DNAAF9: variants seen among roughly 807,000 people sequenced by gnomAD.
DNAAF9 encodes the protein dynein axonemal assembly factor 9.
Under a neutral mutation model 167.0 loss-of-function variants are expected in DNAAF9, and 90 were observed. That is an observed-to-expected ratio of 0.54 (90% CI 0.45 to 0.64). The LOEUF (loss-of-function observed/expected upper bound fraction) is 0.64. DNAAF9 is among the 30% of genes least tolerant of loss of function. DNAAF9 has a pLI of 0.00. For synonymous variants in DNAAF9, 491 were observed against 508.8 expected (o/e 0.96, Z 0.47); for missense variants, 1,315 against 1,442.2 (o/e 0.91, Z 1.43).
chr20:3,399,357 CTGCCACCA>C (rs1175559351), intron 1 of DNAAF9, among the ~76,000 whole-genome samples: 84 of 152,152 alleles, frequency 5.5e-4, no homozygotes, highest in East Asian at 2.1e-3. Context: ...TTACAGGCAC[CTGCCACCA>C]TGCCTGGCTA....
intron 24 of DNAAF9, 44 bp from the exon 25 acceptor site, chr20:3,294,300 G>T: frequency 1.6e-6 from 2 of 1,265,436 alleles, no homozygotes; most frequent in Non-Finnish European, 2.3e-6. Flanking sequence ...ATCCTAGCCT[G>T]TCCTGAAGGT....
chr20:3,340,451 C>CCCCCCCAA lies in DNAAF9; in HGVS notation c.981+52_981+53insTTGGGGGG. The CCCCCCCAA allele has an allele frequency of 2.7e-6, 2 of 743,596 alleles. 1 individual carries two copies. The highest frequency in any genetic ancestry group is 3.8e-6 in the Non-Finnish European group (2 of 525,226). The allele number at this position is 743,596 out of a possible 1,614,324, so 46.1% of individuals were successfully genotyped here. ...GTCTAGCTCCCCCCACCCACCCCAC[C>CCCCCCCAA]CCCACAACTTGATAATAAAACTAAT... is the stretch of plus-strand genomic sequence containing the variant. On this transcript the variant is annotated intron_variant, in intron 10 of 36. Coordinates refer to ENST00000252032, the MANE Select transcript of DNAAF9 (RefSeq NM_001009984.3).
chr20:3,273,893 T>C (rs2068634538), intron 29 of DNAAF9, among the ~76,000 whole-genome samples: 2 of 152,220 alleles, frequency 1.3e-5, no homozygotes, highest in Non-Finnish European at 2.9e-5. Context: ...TACAAAAGTG[T>C]TGAGTATAAT....
At chr20:3,367,655 A>T (rs1193959240) in intron 6 of DNAAF9, among the ~76,000 whole-genome samples, 2 of 152,234 alleles carry the variant, frequency 1.3e-5, no homozygotes, top group African/African-American at 4.8e-5. Flanking sequence ...CAGTCAGTGA[A>T]GCAGTCAGAA....
intron 1 of DNAAF9, among the ~76,000 whole-genome samples, chr20:3,399,287 C>T (rs910825462): frequency 3.9e-5 from 6 of 151,954 alleles, no homozygotes; most frequent in African/African-American, 7.3e-5. Context: ...GGTGCGATCT[C>T]GGCTCACTGC....
At chr20:3,358,836 T>C (rs780292504) in intron 7 of DNAAF9, among the ~76,000 whole-genome samples, 1 of 152,200 alleles carries the variant, frequency 6.6e-6, no homozygotes, top group Non-Finnish European at 1.5e-5. Flanking sequence ...TGACCATGCA[T>C]ATCTATCTAT....
chr20:3,398,935 T>C (rs2083946639), intron 1 of DNAAF9, among the ~76,000 whole-genome samples: 1 of 152,198 alleles, frequency 6.6e-6, no homozygotes, highest in Admixed American at 6.5e-5. Flanking sequence ...GGAAAAAAGC[T>C]AGCCAATGTT....
chr20:3,304,508 A>G lies in DNAAF9; in HGVS notation c.1714T>C (p.Ser572Pro). Residue 572 changes from serine to proline, a missense_variant, in exon 21 of 37, where the codon TCT becomes CCT. Physicochemically the swap from Ser to Pro is moderately conservative, Grantham distance 74. Around this residue, in one of 2 missense-constraint regions of DNAAF9, gnomAD observed 981 missense variants for 1,012.5 expected, o/e 0.97. Coordinates refer to ENST00000252032, the MANE Select transcript of DNAAF9 (RefSeq NM_001009984.3). ...VHFFSSGLLFSHCRHRSIIIS... is the reference protein window; with the variant it reads ...VHFFSSGLLFPHCRHRSIIIS... ...ATGATACTTCTATGACGACAGTGAG[A>G]AAACAGAAGGCCACTAGAGAAGAAA... is the stretch of plus-strand genomic sequence containing the variant. 3.3e-6 allele frequency: 5 copies of G among 1,519,874 alleles called. No individual in the cohort carries two copies. Among genetic ancestry groups the G allele is most frequent in the Non-Finnish European group, 4.6e-6 (5 of 1,094,322 alleles). The allele number at this position is 1,519,874 out of a possible 1,614,324, so 94.1% of individuals were successfully genotyped here.
At chr20:3,370,360 G>A (rs946931170) in intron 6 of DNAAF9, among the ~76,000 whole-genome samples, 3 of 151,698 alleles carry the variant, frequency 2.0e-5, no homozygotes, top group African/African-American at 4.8e-5. Flanking sequence ...GCTATCCTCC[G>A]GCCTCAGCCT....
At chr20:3,299,849 A>C (rs982291236) in intron 21 of DNAAF9, among the ~76,000 whole-genome samples, 2 of 152,158 alleles carry the variant, frequency 1.3e-5, no homozygotes, top group African/African-American at 2.4e-5. Flanking sequence ...GATTGTTTTA[A>C]ACAATAAGGG....
chr20:3,334,193 T>A (rs1204374293), intron 10 of DNAAF9, among the ~76,000 whole-genome samples: 1 of 152,242 alleles, frequency 6.6e-6, no homozygotes, highest in Non-Finnish European at 1.5e-5. Flanking sequence ...AATGCTCAAA[T>A]GTTTACTTCT....
intron 7 of DNAAF9, among the ~76,000 whole-genome samples, chr20:3,351,580 G>C (rs1320035987): frequency 6.6e-6 from 1 of 151,944 alleles, no homozygotes; most frequent in Non-Finnish European, 1.5e-5. Flanking sequence ...AAGAGATAGA[G>C]AAAACCTACA....
chr20:3,283,249 T>C (rs1191961743), intron 27 of DNAAF9, among the ~76,000 whole-genome samples: 2 of 152,226 alleles, frequency 1.3e-5, no homozygotes, highest in African/African-American at 2.4e-5. Flanking sequence ...CCTGAGCCCT[T>C]TGGAAGCCAG....
intron 10 of DNAAF9, among the ~76,000 whole-genome samples, chr20:3,337,249 G>A (rs955768502): frequency 6.7e-6 from 1 of 149,002 alleles, no homozygotes; most frequent in Non-Finnish European, 1.5e-5. Flanking sequence ...AAGGGTATTT[G>A]TAGTTGCTCA....
chr20:3,292,917 T>G (rs1217317214), intron 25 of DNAAF9, among the ~76,000 whole-genome samples: 1 of 151,880 alleles, frequency 6.6e-6, no homozygotes, highest in Non-Finnish European at 1.5e-5. Flanking sequence ...AAACCACATC[T>G]CTATTAAAAA....
intron 6 of DNAAF9, among the ~76,000 whole-genome samples, chr20:3,359,800 C>T (rs1361673431): frequency 2.0e-5 from 3 of 152,168 alleles, no homozygotes; most frequent in Non-Finnish European, 4.4e-5. Context: ...AACTTTGGTA[C>T]TGATTATCTT....
chr20:3,311,395 G>A (rs2069411594), intron 20 of DNAAF9, among the ~76,000 whole-genome samples: 1 of 151,988 alleles, frequency 6.6e-6, no homozygotes, highest in African/African-American at 2.4e-5. Flanking sequence ...CAAAGTGCTG[G>A]GATTACAGAT....
Position 3,298,135 on chromosome 20 carries a change from T to C in DNAAF9, c.1823A>G (p.Lys608Arg). 4 of 1,613,836 alleles carry C rather than the reference T, an allele frequency of 2.5e-6. No homozygotes were observed. In the South Asian group the frequency reaches 3.3e-5, roughly 13 times the overall value. ...STVAALLIDF[K>R]SSLLPHLPVH... ...TGGGAGGTGAGGAAGCAATGAGCTT[T>C]TGAAGTCTATGAGAAGAGCAGCAAC... Residue 608 changes from lysine (K) to arginine (R), a missense_variant, in exon 22 of 37, where the codon AAA becomes AGA. Physicochemically the swap from Lys to Arg is conservative, Grantham distance 26. Transcript: ENST00000252032.
In DNAAF9 at chr20:3,259,640, G is replaced by A. The variant is rs891321835; in HGVS notation, c.2981-86C>T. 1.7e-5 allele frequency: 16 copies of A among 933,746 alleles called. No individual in the cohort carries two copies. In the African/African-American group the frequency reaches 2.6e-4, roughly 15 times the overall value. 57.8% of individuals were successfully genotyped at this position (933,746 alleles called of 1,614,324 possible). ...GCACAGCTGGGAGTTTTAGGGACTG[G>A]GGAGGGACCATACACCAGGGTCTAG... On this transcript the variant is annotated intron_variant, in intron 32 of 36. Transcript: ENST00000252032.
Sources: gnomAD v4.1 joint callset for allele counts (sites outside exome capture counted in the v4.1 genomes callset) on GRCh38, gnomAD v4.1.1 for gene constraint, gnomAD v4.1.1 regional missense constraint, MANE v1.5 for transcripts, NCBI Gene and HGNC (gene_info 2026-07-23, HGNC 2026-07-21) for gene names.